CEP70: variants seen among roughly 807,000 people sequenced by gnomAD.
The protein encoded by CEP70 is centrosomal protein of 70 kDa.
Under a neutral mutation model 90.9 loss-of-function variants are expected in CEP70, and 70 were observed. The ratio of observed to expected loss-of-function variants is 0.77; its 90% confidence interval spans 0.64 to 0.94. CEP70 has a LOEUF of 0.94. CEP70 is among the 40% of genes least tolerant of loss of function. The probability of loss-of-function intolerance (pLI) is 0.00; values close to 1 mark genes in which losing one functional copy is unlikely to be tolerated. For synonymous variants in CEP70, 220 were observed against 228.3 expected (o/e 0.96, Z 0.33); for missense variants, 648 against 669.0 (o/e 0.97, Z 0.35).
intron 2 of CEP70, among the ~76,000 whole-genome samples, chr3:138,573,153 C>T (rs183178621): frequency 5.3e-5 from 8 of 152,132 alleles, no homozygotes; most frequent in African/African-American, 1.7e-4. Context: ...TAATGTTCTC[C>T]TCTGGAAATA....
Position 138,565,208 on chromosome 3 carries a change from A to C in CEP70, c.465+5110T>G, listed in dbSNP as rs527894384. Among the ~76,000 whole-genome samples, 9 of 152,348 alleles carry C rather than the reference A, an allele frequency of 5.9e-5. No homozygotes were observed. The East Asian group carries it at 1.7e-3, about 29-fold the overall frequency. ...AGGAAATAAGAGAGGACACAAACAA[A>C]TGGAAAAACATTCCATGCTCATAGA... On this transcript the variant is annotated intron_variant, in intron 6 of 17. Transcript: ENST00000264982.
At chr3:138,496,033 C>A in intron 17 of CEP70, 3 of 985,394 alleles carry the variant, frequency 3.0e-6, no homozygotes, top group African/African-American at 1.7e-5. Context: ...TTCCAACCAG[C>A]CTAAGTTAGA....
At chr3:138,552,266 T>C (rs1423255805) in intron 6 of CEP70, among the ~76,000 whole-genome samples, 1 of 152,166 alleles carries the variant, frequency 6.6e-6, no homozygotes, top group Non-Finnish European at 1.5e-5. Context: ...AGACAGGTCA[T>C]CAAGACAGAA....
intron 6 of CEP70, among the ~76,000 whole-genome samples, chr3:138,566,840 A>G (rs1362291142): frequency 6.6e-6 from 1 of 151,936 alleles, no homozygotes; most frequent in Non-Finnish European, 1.5e-5. Flanking sequence ...TTAAATGTAT[A>G]CTTACCATAT....
At chr3:138,496,660 C>T (rs1224196555) in intron 17 of CEP70, 1 of 985,172 alleles carries the variant, frequency 1.0e-6, no homozygotes, top group Non-Finnish European at 1.2e-6. Context: ...ATGTCTGTTA[C>T]TCAGTATGCC....
intron 6 of CEP70, among the ~76,000 whole-genome samples, chr3:138,561,126 C>T (rs543932046): frequency 3.9e-5 from 6 of 152,220 alleles, no homozygotes; most frequent in Admixed American, 3.9e-4. Context: ...CCAACAGACA[C>T]CTCATACAGG....
intron 11 of CEP70, among the ~76,000 whole-genome samples, chr3:138,509,095 G>A (rs953041262): frequency 8.6e-5 from 13 of 152,028 alleles, no homozygotes; most frequent in Admixed American, 2.0e-4. Context: ...TCAATAAATC[G>A]CAAATTAGAA....
At chr3:138,513,934 G>T (rs2035761758) in intron 11 of CEP70, among the ~76,000 whole-genome samples, 1 of 149,704 alleles carries the variant, frequency 6.7e-6, no homozygotes. Context: ...GACATTGAAA[G>T]TTGGTTAACT....
chr3:138,570,379 C>T lies in CEP70; in HGVS notation c.404G>A (p.Ser135Asn), dbSNP rs1673607. 0.58 allele frequency: 927,717 copies of T among 1,603,188 alleles called. 274,342 individuals carry two copies. Among genetic ancestry groups the T allele is most frequent in the East Asian group, 0.95 (42,173 of 44,466 alleles). ...KIGELEDESL[S>N]RACHQQNKIK... ...TTTATTCTGTTGGTGGCAAGCCCTACTTAGTGATTCATCCTCCAATTCACC... is the reference window on the plus strand; with the variant it reads ...TTTATTCTGTTGGTGGCAAGCCCTATTTAGTGATTCATCCTCCAATTCACC... The change falls in exon 6 of 18, where the codon AGT (serine) becomes AAT (asparagine). Residue 135 changes from serine (S) to asparagine (N), a missense_variant. Transcript: ENST00000264982.
intron 17 of CEP70, 63 bp downstream of exon 17, chr3:138,497,968 C>T (rs932618410): frequency 6.2e-7 from 1 of 1,600,424 alleles, no homozygotes; most frequent in East Asian, 2.3e-5. Flanking sequence ...AAGGAACACC[C>T]TTTTCTTAAA....
chr3:138,544,381 G>C (rs1340378636), intron 6 of CEP70, among the ~76,000 whole-genome samples: 2 of 151,424 alleles, frequency 1.3e-5, no homozygotes, highest in Admixed American at 1.3e-4. Context: ...GTACTGGTGA[G>C]GATATAGAGA....
At position 138,505,392 on chromosome 3, in the gene CEP70, C is replaced by A. The variant is rs757265733; in HGVS notation, c.1124G>T (p.Gly375Val). The change falls in exon 13 of 18, where the codon GGA becomes GTA. Residue 375 changes from glycine (G) to valine (V), a missense_variant. By Grantham distance (109) the Gly-to-Val change is moderately radical. Coordinates refer to ENST00000264982, the MANE Select transcript of CEP70 (RefSeq NM_024491.4). Reference sequence around the variant, plus strand: ...AAGATCTTTATTAAAATTTTGGACTCCCCCTTTGGTCTGTTTATAAATTAT... The same window carrying A: ...AAGATCTTTATTAAAATTTTGGACTACCCCTTTGGTCTGTTTATAAATTAT... ...PVIIYKQTKGGVQNFNKDLVQ... is the reference protein window; with the variant it reads ...PVIIYKQTKGVVQNFNKDLVQ... 6.2e-7 allele frequency: 1 copy of A among 1,612,044 alleles called. No homozygotes were observed. Among genetic ancestry groups the A allele is most frequent in the South Asian group, 1.1e-5 (1 of 90,838 alleles).
chr3:138,536,950 A>G (rs1049055667), intron 7 of CEP70: 9 of 306,658 alleles, frequency 2.9e-5, no homozygotes, highest in Non-Finnish European at 5.3e-5. Context: ...TTAAAAGTTT[A>G]GTGTTATTTT....
intron 6 of CEP70, among the ~76,000 whole-genome samples, chr3:138,544,091 C>A (rs1481162930): frequency 1.3e-5 from 2 of 152,126 alleles, no homozygotes; most frequent in Non-Finnish European, 2.9e-5. Flanking sequence ...GAGTTCAAGA[C>A]CAACCTGGCC....
At position 138,553,493 on chromosome 3, in the gene CEP70, A is replaced by C. The variant is rs564509999; in HGVS notation, c.466-16146T>G. ...AGACTCCATCTCAAAAAGACAAAAA[A>C]AAAAAAATCCAGGACTAGACAGATT... On this transcript the variant is annotated intron_variant, in intron 6 of 17. Coordinates refer to ENST00000264982, the MANE Select transcript of CEP70 (RefSeq NM_024491.4). 3.0e-4 allele frequency among the ~76,000 whole-genome samples: 45 copies of C among 152,018 alleles called. 1 individual carries two copies. The South Asian group carries it at 5.6e-3, about 19-fold the overall frequency.
chr3:138,515,170 T>C (rs192064114), intron 11 of CEP70, among the ~76,000 whole-genome samples: 159 of 152,230 alleles, frequency 1.0e-3, no homozygotes, highest in African/African-American at 3.8e-3. Flanking sequence ...CTAGAGGAAA[T>C]ACAGGGTCAG....
At chr3:138,577,288 T>C (rs985695518) in intron 2 of CEP70, among the ~76,000 whole-genome samples, 1 of 152,148 alleles carries the variant, frequency 6.6e-6, no homozygotes, top group African/African-American at 2.4e-5. Context: ...GGCACATGTA[T>C]ACATATGTAA....
chr3:138,529,541 GT>G, intron 8 of CEP70, 79 bp from the exon 9 acceptor site: 1 of 823,822 alleles, frequency 1.2e-6, no homozygotes, highest in Non-Finnish European at 2.0e-6. Flanking sequence ...TGTAATGAGG[GT>G]TTAATAATCT....
intron 6 of CEP70, among the ~76,000 whole-genome samples, chr3:138,544,941 T>A (rs531708037): frequency 6.6e-6 from 1 of 152,236 alleles, no homozygotes; most frequent in African/African-American, 2.4e-5. Context: ...GAGAGGTTGA[T>A]TAATGGGTAC....
Sources: gnomAD v4.1 joint callset for allele counts (sites outside exome capture counted in the v4.1 genomes callset) on GRCh38, gnomAD v4.1.1 for gene constraint, MANE v1.5 for transcripts, NCBI Gene and HGNC (gene_info 2026-07-23, HGNC 2026-07-21) for gene names.